Variants in NTNG1 observed in about 807,000 individuals in gnomAD.
NTNG1 encodes netrin G1.
A neutral mutation model predicts 54.0 loss-of-function variants in NTNG1; 16 were observed. The observed-to-expected ratio is 0.30, with a 90% CI of 0.20 to 0.45. NTNG1 has a LOEUF of 0.45. Ranked by LOEUF, NTNG1 falls within the 20% of genes least tolerant of loss-of-function variation. The pLI is 1.00. For missense variants in NTNG1, 530 were observed against 678.7 expected (o/e 0.78, Z 2.43); for synonymous variants, 255 against 263.1 (o/e 0.97, Z 0.30).
intron 5 of NTNG1, among the ~76,000 whole-genome samples, chr1:107,420,885 T>C (rs1674530968): frequency 6.6e-6 from 1 of 152,064 alleles, no homozygotes; most frequent in Non-Finnish European, 1.5e-5. Context: ...AACTTCTAAA[T>C]TGTATTACTG....
chr1:107,479,107 A>T (rs141014485), intron 7 of NTNG1, among the ~76,000 whole-genome samples: 3 of 152,358 alleles, frequency 2.0e-5, no homozygotes, highest in Non-Finnish European at 4.4e-5. Context: ...GCAAACGTGG[A>T]TACATTTGAA....
intron 2 of NTNG1, among the ~76,000 whole-genome samples, chr1:107,317,538 G>GT (rs1667402854): frequency 1.3e-5 from 2 of 152,080 alleles, no homozygotes; most frequent in African/African-American, 4.8e-5. Context: ...ATAGGAATCT[G>GT]TTTTTGTGGC....
At chr1:107,234,316 T>C (rs1057499394) in intron 2 of NTNG1, among the ~76,000 whole-genome samples, 1 of 152,168 alleles carries the variant, frequency 6.6e-6, no homozygotes, top group Non-Finnish European at 1.5e-5. Context: ...AGACATGTGT[T>C]TCCCCCATAT....
At chr1:107,229,225 A>C (rs1047490110) in intron 2 of NTNG1, among the ~76,000 whole-genome samples, 14 of 151,476 alleles carry the variant, frequency 9.2e-5, no homozygotes, top group African/African-American at 3.2e-4. Flanking sequence ...ATTGCAGGGC[A>C]ATCAATCTTT....
chr1:107,227,581 G>T (rs1226143759), intron 2 of NTNG1, among the ~76,000 whole-genome samples: 3 of 151,978 alleles, frequency 2.0e-5, no homozygotes, highest in Admixed American at 1.3e-4. Context: ...AATGGGCTAA[G>T]ATATGTCTGA....
chr1:107,296,734 T>C (rs1247782095), intron 2 of NTNG1, among the ~76,000 whole-genome samples: 1 of 148,184 alleles, frequency 6.7e-6, no homozygotes, highest in Non-Finnish European at 1.5e-5. Context: ...TTATATATAA[T>C]ATTCCAATTA....
chr1:107,480,581 C>CCCCCCCCCCCCCT, intron 7 of NTNG1, 30 bp from the exon 8 acceptor site: 2 of 681,314 alleles, frequency 2.9e-6, no homozygotes, highest in South Asian at 2.1e-5. Context: ...CCCGCGCCCA[C>CCCCCCCCCCCCCT]CCACCCCTAC....
At chr1:107,322,559 C>T (rs1570674815) in intron 2 of NTNG1, among the ~76,000 whole-genome samples, 1 of 152,002 alleles carries the variant, frequency 6.6e-6, no homozygotes, top group African/African-American at 2.4e-5. Flanking sequence ...AAGCCTTTGC[C>T]AGTCTGTAGA....
At chr1:107,220,960 C>T (rs1660301112) in intron 2 of NTNG1, among the ~76,000 whole-genome samples, 1 of 151,904 alleles carries the variant, frequency 6.6e-6, no homozygotes, top group Admixed American at 6.6e-5. Flanking sequence ...AACTTTTCCA[C>T]TTATTATCAA....
intron 3 of NTNG1, among the ~76,000 whole-genome samples, chr1:107,333,518 G>T (rs1414428988): frequency 1.3e-5 from 2 of 151,938 alleles, no homozygotes; most frequent in Non-Finnish European, 2.9e-5. Flanking sequence ...AGAGCCTCTA[G>T]AACTTACTTA....
At chr1:107,159,183 G>C (rs1443295523) in intron 2 of NTNG1, among the ~76,000 whole-genome samples, 1 of 152,098 alleles carries the variant, frequency 6.6e-6, no homozygotes, top group Non-Finnish European at 1.5e-5. Flanking sequence ...GCTAATCTGA[G>C]GTTGGTTGTT....
At chr1:107,293,891 T>TC (rs928206280) in intron 2 of NTNG1, among the ~76,000 whole-genome samples, 1 of 152,092 alleles carries the variant, frequency 6.6e-6, no homozygotes, top group Non-Finnish European at 1.5e-5. Context: ...ATAAGTGATT[T>TC]TTTTTCTTGT....
chr1:107,470,894 C>T (rs1044217399), intron 7 of NTNG1, among the ~76,000 whole-genome samples: 5 of 152,060 alleles, frequency 3.3e-5, no homozygotes, highest in South Asian at 2.1e-4. Context: ...AATTCTTTCT[C>T]GATATCAGCA....
intron 2 of NTNG1, among the ~76,000 whole-genome samples, chr1:107,161,615 C>T (rs1409838093): frequency 1.3e-5 from 2 of 150,614 alleles, no homozygotes; most frequent in South Asian, 2.1e-4. Flanking sequence ...GAGTTGAGAT[C>T]GTGCCACTGC....
chr1:107,434,993 G>A (rs1006993660), intron 6 of NTNG1, among the ~76,000 whole-genome samples: 3 of 152,052 alleles, frequency 2.0e-5, no homozygotes, highest in Admixed American at 6.5e-5. Flanking sequence ...ATATATTATG[G>A]TTTAAATGTT....
rs543575789 is a variant in NTNG1, at chr1:107,216,996, T to G, written c.246+68157T>G. On this transcript the variant is annotated intron_variant, in intron 2 of 7. Transcript: ENST00000370068. ...CCAGCAGATTCCCTCTTTCTCTATC[T>G]TTTGGAATAGTGCCAATAGGATTGG... Among the ~76,000 whole-genome samples, 4 of 152,296 alleles carry G rather than the reference T, an allele frequency of 2.6e-5. No homozygotes were observed. In the South Asian group the frequency reaches 8.3e-4, roughly 32 times the overall value.
rs569364820 is a variant in NTNG1, at chr1:107,387,277, C to T, written c.888-7877C>T. On this transcript the variant is annotated intron_variant, in intron 3 of 7. Transcript: ENST00000370068. ...TAATCAGTCCAGTTTGTGAGTACAGCTAGAACCTTAGTGCTAGTCCAGTTT... is the reference window on the plus strand; with the variant it reads ...TAATCAGTCCAGTTTGTGAGTACAGTTAGAACCTTAGTGCTAGTCCAGTTT... Among the ~76,000 whole-genome samples the T allele has an allele frequency of 3.3e-5, 5 of 152,322 alleles. No individual in the cohort carries two copies. In the South Asian group the frequency reaches 1.0e-3, roughly 32 times the overall value.
intron 2 of NTNG1, among the ~76,000 whole-genome samples, chr1:107,274,380 A>C (rs1664337641): frequency 6.6e-6 from 1 of 152,252 alleles, no homozygotes; most frequent in Non-Finnish European, 1.5e-5. Context: ...GAACTGCCTA[A>C]GAGCAGTAAT....
intron 4 of NTNG1, chr1:107,403,702 C>CAAAAAAAA: frequency 7.5e-6 from 1 of 133,684 alleles, no homozygotes; most frequent in African/African-American, 2.9e-5. Context: ...AAGACTCTGT[C>CAAAAAAAA]AAAAAAAAAA....
Sources: allele counts gnomAD v4.1 joint callset (sites outside exome capture counted in the v4.1 genomes callset), GRCh38; gene constraint gnomAD v4.1.1; transcripts MANE v1.5; gene names NCBI Gene and HGNC (gene_info 2026-07-23, HGNC 2026-07-21).